HDAC9: variants seen among roughly 807,000 people sequenced by gnomAD.
The protein encoded by HDAC9 is histone deacetylase 9, also known as MEF-2 interacting transcription repressor (MITR) protein.
A neutral mutation model predicts 139.4 loss-of-function variants in HDAC9; 41 were observed. The ratio of observed to expected loss-of-function variants is 0.29; its 90% CI spans 0.23 to 0.38. The LOEUF (loss-of-function observed/expected upper bound fraction) is 0.38, where lower values mean the gene tolerates loss of function less well. Ranked by LOEUF, HDAC9 falls within the 10% of genes least tolerant of loss-of-function variation. The pLI is 1.00. For synonymous variants in HDAC9, 517 were observed against 476.2 expected (o/e 1.09, Z -1.12); for missense variants, 1,147 against 1,297.0 (o/e 0.88, Z 1.78).
chr7:18,988,351 G>T (rs2129347140), intron 25 of HDAC9, among the ~76,000 whole-genome samples: 1 of 152,104 alleles, frequency 6.6e-6, no homozygotes. Flanking sequence ...AGGTTGTTCA[G>T]TTTCCATGTA....
chr7:18,910,543 T>C (rs146655627), intron 22 of HDAC9, among the ~76,000 whole-genome samples: 25 of 152,126 alleles, frequency 1.6e-4, no homozygotes, highest in African/African-American at 5.8e-4. Context: ...GTTTTTCTCT[T>C]GCCTAATTGC....
At chr7:18,190,353 A>G (rs2128149605) in intron 2 of HDAC9, among the ~76,000 whole-genome samples, 1 of 152,378 alleles carries the variant, frequency 6.6e-6, no homozygotes, top group South Asian at 2.1e-4. Context: ...ATGTGTACAT[A>G]AATGATTATG....
chr7:18,814,809 A>C (rs759693354), intron 17 of HDAC9, among the ~76,000 whole-genome samples: 1 of 152,236 alleles, frequency 6.6e-6, no homozygotes, highest in African/African-American at 2.4e-5. Context: ...CAGGAAGAAC[A>C]TTTAGAATTA....
intron 2 of HDAC9, among the ~76,000 whole-genome samples, chr7:18,212,302 C>G (rs561453521): frequency 1.3e-5 from 2 of 152,120 alleles, no homozygotes; most frequent in African/African-American, 4.8e-5. Context: ...TTCTTCCATC[C>G]AAAGTTATGA....
chr7:18,133,047 C>T (rs1055859561), intron 1 of HDAC9, among the ~76,000 whole-genome samples: 2 of 152,110 alleles, frequency 1.3e-5, no homozygotes, highest in African/African-American at 4.8e-5. Flanking sequence ...ACCATGGAAA[C>T]AGCTGATAGC....
intron 23 of HDAC9, chr7:18,949,471 G>A: frequency 4.6e-6 from 1 of 219,042 alleles, no homozygotes; most frequent in Admixed American, 4.2e-5. Context: ...TAAGACCATA[G>A]GTGGTGGTAT....
At chr7:18,753,350 C>T (rs1382353924) in intron 14 of HDAC9, among the ~76,000 whole-genome samples, 2 of 151,930 alleles carry the variant, frequency 1.3e-5, no homozygotes, top group Non-Finnish European at 2.9e-5. Context: ...GCCCTGTGAC[C>T]AAGAGACAGA....
intron 17 of HDAC9, among the ~76,000 whole-genome samples, chr7:18,826,253 C>A (rs958395079): frequency 3.9e-5 from 6 of 152,228 alleles, no homozygotes; most frequent in East Asian, 1.9e-4. Flanking sequence ...GCTCTCAAAG[C>A]AGCAGTGAAG....
chr7:18,758,323 C>T (rs1467357993), intron 14 of HDAC9, among the ~76,000 whole-genome samples: 3 of 152,130 alleles, frequency 2.0e-5, no homozygotes, highest in Non-Finnish European at 4.4e-5. Flanking sequence ...CCAAGTATCT[C>T]TGAGAATAGA....
chr7:18,605,540 C>T (rs1377874309), intron 6 of HDAC9, among the ~76,000 whole-genome samples: 2 of 152,194 alleles, frequency 1.3e-5, no homozygotes, highest in Admixed American at 6.5e-5. Flanking sequence ...TTTCTTCCCT[C>T]TCCCACGCCT....
intron 21 of HDAC9, among the ~76,000 whole-genome samples, chr7:18,837,326 A>T (rs1796304305): frequency 2.0e-5 from 3 of 152,022 alleles, no homozygotes; most frequent in African/African-American, 7.2e-5. Context: ...AGCAAAATAA[A>T]AAATTATGTT....
In HDAC9 at chr7:18,147,655, G is replaced by GCAATAATTTT. The variant is rs1320695599; in HGVS notation, c.-96-14574_-96-14573insCAATAATTTT. Among the ~76,000 whole-genome samples, 700 of 151,576 alleles carry GCAATAATTTT rather than the reference G, an allele frequency of 4.6e-3. 2 individuals are homozygous for GCAATAATTTT. Among genetic ancestry groups the GCAATAATTTT allele is most frequent in the Non-Finnish European group, 7.4e-3 (501 of 67,884 alleles). ...GACTCATTTTTTTTTTAAGCAATAA[G>GCAATAATTTT]GCATTTAAAATATAGTTGAAGTGCT... On this transcript the variant is annotated intron_variant, in intron 1 of 12. Transcript: ENST00000417496.
intron 16 of HDAC9, among the ~76,000 whole-genome samples, chr7:18,773,847 C>T (rs1790529145): frequency 6.6e-6 from 1 of 152,068 alleles, no homozygotes; most frequent in South Asian, 2.1e-4. Context: ...ATAGTTAGTT[C>T]CAGATCCAGA....
intron 6 of HDAC9, among the ~76,000 whole-genome samples, chr7:18,597,708 A>G (rs1832869101): frequency 6.6e-6 from 1 of 152,150 alleles, no homozygotes; most frequent in Admixed American, 6.5e-5. Context: ...CCTCCATTAT[A>G]TTATTGAGGT....
At chr7:18,783,098 A>G (rs1162773397) in intron 16 of HDAC9, among the ~76,000 whole-genome samples, 1 of 152,088 alleles carries the variant, frequency 6.6e-6, no homozygotes, top group Non-Finnish European at 1.5e-5. Context: ...TCCTGGGGTT[A>G]AACCAGTCTG....
chr7:18,849,379 T>C (rs567236821), intron 21 of HDAC9, among the ~76,000 whole-genome samples: 2 of 152,228 alleles, frequency 1.3e-5, no homozygotes, highest in South Asian at 4.1e-4. Flanking sequence ...TTTCCTTTGC[T>C]ATGACTATTA....
intron 1 of HDAC9, among the ~76,000 whole-genome samples, chr7:18,422,744 G>A (rs10524785): frequency 0.25 from 6,608 of 26,196 alleles, 302 homozygotes; most frequent in African/African-American, 0.3. Context: ...ACACACACGC[G>A]CACACACACA....
chr7:18,484,757 G>T (rs1173134993), intron 1 of HDAC9, among the ~76,000 whole-genome samples: 1 of 151,856 alleles, frequency 6.6e-6, no homozygotes, highest in African/African-American at 2.4e-5. Context: ...CTGAAATCAC[G>T]TGAGAAGATT....
chr7:18,395,535 C>CA lies in HDAC9; in HGVS notation c.-41-100710dup, dbSNP rs11305774. ...TTATATTTTTAGTGACCTAAGGCTT[C>CA]AAAAAAAAAAAAAAAAACTAGATAC... On this transcript the variant is annotated intron_variant, in intron 1 of 3. Transcript: ENST00000413509. 4.8e-3 allele frequency among the ~76,000 whole-genome samples: 600 copies of CA among 124,306 alleles called. 1 individual carries two copies. The highest frequency in any genetic ancestry group is 8.3e-3 in the Middle Eastern group (2 of 240). The allele number at this position is 124,306 out of a possible 152,430, so 81.5% of individuals were successfully genotyped here.
Sources: allele counts gnomAD v4.1 joint callset (sites outside exome capture counted in the v4.1 genomes callset), GRCh38; gene constraint gnomAD v4.1.1; transcripts MANE v1.5; gene names NCBI Gene and HGNC (gene_info 2026-07-23, HGNC 2026-07-21).